FBXO9: variants seen among roughly 807,000 people sequenced by gnomAD.
The protein encoded by FBXO9 is F-box only protein 9.
A neutral mutation model predicts 63.7 loss-of-function variants in FBXO9; 43 were observed. The ratio of observed to expected loss-of-function variants is 0.67; its 90% CI spans 0.53 to 0.87. The LOEUF (loss-of-function observed/expected upper bound fraction) is 0.87. FBXO9 is among the 40% of genes least tolerant of loss of function. FBXO9 has a pLI of 0.00. For synonymous variants in FBXO9, 156 were observed against 171.7 expected (o/e 0.91, Z 0.72); for missense variants, 442 against 533.2 (o/e 0.83, Z 1.68).
chr6:53,072,912 A>G (rs991649067), intron 2 of FBXO9, among the ~76,000 whole-genome samples: 6 of 152,108 alleles, frequency 3.9e-5, no homozygotes, highest in African/African-American at 1.4e-4. Flanking sequence ...TAGTAGAGAC[A>G]GGGTTTCACC....
At chr6:53,082,281 T>TA (rs35418417) in intron 6 of FBXO9, among the ~76,000 whole-genome samples, 1 of 152,172 alleles carries the variant, frequency 6.6e-6, no homozygotes, top group Non-Finnish European at 1.5e-5. Flanking sequence ...GAGTGCTTTA[T>TA]AAAAAGTAGC....
At position 53,079,117 on chromosome 6, in the gene FBXO9, T is replaced by C. The variant is rs938389283; in HGVS notation, c.407+219T>C. ...ATACAAAAATAAACAGATACAAAAA[T>C]AAACAGATACAAAAAAACGGTTTAA... On this transcript the variant is annotated intron_variant, in intron 5 of 12. Coordinates refer to ENST00000323557, the MANE Select transcript of FBXO9 (RefSeq NM_033480.3). 4.0e-5 allele frequency among the ~76,000 whole-genome samples: 6 copies of C among 151,776 alleles called. No individual in the cohort carries two copies. In the South Asian group the frequency reaches 1.2e-3, roughly 32 times the overall value.
chr6:53,071,362 T>C (rs1168546747), intron 2 of FBXO9, among the ~76,000 whole-genome samples: 1 of 152,232 alleles, frequency 6.6e-6, no homozygotes, highest in Admixed American at 6.5e-5. Context: ...TTTAAAGTAT[T>C]CAAACTAAGG....
intron 1 of FBXO9, among the ~76,000 whole-genome samples, chr6:53,067,154 A>G: frequency 6.6e-6 from 1 of 152,220 alleles, no homozygotes; most frequent in East Asian, 1.9e-4. Flanking sequence ...CTTCAATATA[A>G]CCAAACCTGC....
At chr6:53,074,967 C>T (rs1305512293) in intron 3 of FBXO9, among the ~76,000 whole-genome samples, 2 of 152,028 alleles carry the variant, frequency 1.3e-5, no homozygotes, top group Non-Finnish European at 2.9e-5. Flanking sequence ...GGGATGAAAC[C>T]CCAAGAGTAC....
At chr6:53,076,596 G>A in intron 4 of FBXO9, 53 bp downstream of exon 4, 2 of 1,270,794 alleles carry the variant, frequency 1.6e-6, no homozygotes, top group Non-Finnish European at 2.1e-6. Flanking sequence ...TAATGACTCT[G>A]TTATTAACCA....
chr6:53,095,476 A>C lies in FBXO9; in HGVS notation c.1054-37A>C, dbSNP rs189336251. 3.9e-6 allele frequency: 6 copies of C among 1,556,352 alleles called. No individual in the cohort carries two copies. In the East Asian group the frequency reaches 1.4e-4, roughly 35 times the overall value. ...TTTCTGTAAACATAGAAGTGAGGTAAGGTTTCATTATAACTTATGCATCTT... is the reference window on the plus strand; with the variant it reads ...TTTCTGTAAACATAGAAGTGAGGTACGGTTTCATTATAACTTATGCATCTT... On this transcript the variant is annotated intron_variant, in intron 11 of 12. Transcript: ENST00000323557.
At chr6:53,068,658 T>TG (rs1407600004) in intron 1 of FBXO9, among the ~76,000 whole-genome samples, 12 of 148,362 alleles carry the variant, frequency 8.1e-5, no homozygotes, top group Middle Eastern at 3.4e-3. Context: ...ATATGTGTTT[T>TG]TTTTTTTTTT....
At chr6:53,087,344 A>C (rs1762922070) in intron 7 of FBXO9, among the ~76,000 whole-genome samples, 1 of 149,068 alleles carries the variant, frequency 6.7e-6, no homozygotes, top group South Asian at 2.1e-4. Context: ...CCTATCTCAA[A>C]AAAAAAAAAA....
chr6:53,073,097 C>T (rs1260116721), intron 2 of FBXO9, among the ~76,000 whole-genome samples: 2 of 152,010 alleles, frequency 1.3e-5, no homozygotes, highest in Non-Finnish European at 2.9e-5. Context: ...AGATTTTGGG[C>T]TTACCTACAG....
In FBXO9 at chr6:53,093,869, GTTTT is replaced by G; in HGVS notation, c.960-7_960-4del. On this transcript the variant is annotated splice_polypyrimidine_tract_variant and intron_variant, in intron 10 of 12. Transcript: ENST00000323557. ...TTAATAACTGATTTAGATTCAATTT[GTTTT>G]TTTTTTTTAAGGACTGATGCAATTC... The G allele has an allele frequency of 1.5e-6, 2 of 1,317,338 alleles. No individual in the cohort carries two copies. The highest frequency in any genetic ancestry group is 1.5e-5 in the African/African-American group (1 of 65,584). The allele number at this position is 1,317,338 out of a possible 1,614,324, so 81.6% of individuals were successfully genotyped here.
At chr6:53,082,420 G>T in intron 6 of FBXO9, 84 bp from the exon 7 acceptor site, 2 of 809,732 alleles carry the variant, frequency 2.5e-6, no homozygotes. Context: ...TAAATTTCTA[G>T]GAAGGTATAA....
chr6:53,084,502 T>G (rs574941181), intron 7 of FBXO9, among the ~76,000 whole-genome samples: 2 of 152,340 alleles, frequency 1.3e-5, no homozygotes, highest in East Asian at 3.9e-4. Context: ...TATGATATGG[T>G]TCTGATGTCA....
chr6:53,085,481 G>A (rs1762849727), intron 7 of FBXO9, among the ~76,000 whole-genome samples: 1 of 151,972 alleles, frequency 6.6e-6, no homozygotes, highest in Admixed American at 6.6e-5. Context: ...AGGGAATTTA[G>A]TTATTTCTAG....
chr6:53,079,527 T>C (rs1197887935), intron 5 of FBXO9, among the ~76,000 whole-genome samples: 1 of 152,172 alleles, frequency 6.6e-6, no homozygotes, highest in African/African-American at 2.4e-5. Context: ...TAGCATTGGT[T>C]TTATATGGAT....
intron 4 of FBXO9, among the ~76,000 whole-genome samples, chr6:53,078,043 G>C (rs1041768358): frequency 4.6e-5 from 7 of 152,092 alleles, no homozygotes; most frequent in African/African-American, 1.7e-4. Flanking sequence ...AGGCAGCTGG[G>C]CTAAAAGAAG....
intron 3 of FBXO9, 137 bp from the exon 4 acceptor site, chr6:53,076,349 A>T (rs1265522831): frequency 6.7e-6 from 4 of 599,318 alleles, no homozygotes; most frequent in Non-Finnish European, 1.2e-5. Flanking sequence ...GTAAAGTATG[A>T]GGTTTAGGTC....
intron 6 of FBXO9, 36 bp from the exon 7 acceptor site, chr6:53,082,468 A>G (rs767879995): frequency 6.5e-6 from 9 of 1,378,772 alleles, no homozygotes; most frequent in Non-Finnish European, 7.2e-6. Context: ...AGAATGACAT[A>G]GAGGAGAGTC....
chr6:53,070,234 G>A (rs7761668), intron 1 of FBXO9, among the ~76,000 whole-genome samples: 12,426 of 151,558 alleles, frequency 0.082, 525 homozygotes, highest in Middle Eastern at 0.14. Context: ...TGGCTAGGCT[G>A]GTCTTGAACT....
Sources: gnomAD v4.1 joint callset for allele counts (sites outside exome capture counted in the v4.1 genomes callset) on GRCh38, gnomAD v4.1.1 for gene constraint, MANE v1.5 for transcripts, NCBI Gene and HGNC (gene_info 2026-07-23, HGNC 2026-07-21) for gene names.